The following GRIP1 variants were observed in gnomAD, a reference collection of about 807,000 sequenced individuals.
The protein encoded by GRIP1 is glutamate receptor-interacting protein 1.
GRIP1 carries 45 observed loss-of-function variants against 129.9 expected under a neutral mutation model. The observed-to-expected ratio is 0.35, with a 90% CI of 0.27 to 0.44. The LOEUF is 0.44. GRIP1 is among the 20% of genes least tolerant of loss of function. GRIP1 has a pLI of 1.00. For missense variants in GRIP1, 1,196 were observed against 1,396.8 expected (o/e 0.86, Z 2.29); for synonymous variants, 530 against 520.8 (o/e 1.02, Z -0.24).
Position 66,822,000 on chromosome 12 carries a change from T to TTGTGTGTGTG in GRIP1, c.59-225083_59-225074dup, listed in dbSNP as rs145504310. Among the ~76,000 whole-genome samples the TTGTGTGTGTG allele has an allele frequency of 1.4e-3, 207 of 150,532 alleles. 1 individual carries two copies. Among genetic ancestry groups the TTGTGTGTGTG allele is most frequent in the African/African-American group, 4.8e-3 (198 of 41,156 alleles). ...GCCAAGTGATGGAGCCACTTCCATC[T>TTGTGTGTGTG]TGTGTGTGTGTGTGTGTGTGTGTAT... is the stretch of plus-strand genomic sequence containing the variant. On this transcript the variant is annotated intron_variant, in intron 1 of 1. Coordinates refer to the GRIP1 transcript ENST00000643019.
chr12:66,435,078 C>A (rs760445548), intron 13 of GRIP1, among the ~76,000 whole-genome samples: 1 of 152,088 alleles, frequency 6.6e-6, no homozygotes, highest in African/African-American at 2.4e-5. Context: ...AGCCTCCACA[C>A]AAGTGTTTAC....
chr12:66,348,854 G>C lies in GRIP1; in HGVS notation c.*165C>G, dbSNP rs2054093792. The C allele has an allele frequency of 1.5e-6, 1 of 681,582 alleles. No homozygotes were observed. The highest frequency in any genetic ancestry group is 2.4e-5 in the Admixed American group (1 of 42,514). The allele number at this position is 681,582 out of a possible 1,614,324, so 42.2% of individuals were successfully genotyped here. A position where few individuals can be genotyped will look rare whatever the true frequency, so the allele number is the denominator to read the frequency against. On this transcript the variant is annotated 3_prime_UTR_variant, in exon 25 of 25. Transcript: ENST00000359742. ...ACCAAAAAAGAAACCTCTTCAACTTGAAAAGGGAAGTGAACATGAGCCATG... is the reference window on the plus strand; with the variant it reads ...ACCAAAAAAGAAACCTCTTCAACTTCAAAAGGGAAGTGAACATGAGCCATG...
intron 2 of GRIP1, among the ~76,000 whole-genome samples, chr12:66,580,784 C>T (rs61926081): frequency 3.3e-5 from 5 of 151,538 alleles, no homozygotes; most frequent in African/African-American, 1.2e-4. Flanking sequence ...TACAAAGAGA[C>T]TTAGACTCCC....
At chr12:66,699,569 C>T (rs1360134455) in intron 1 of GRIP1, among the ~76,000 whole-genome samples, 2 of 152,130 alleles carry the variant, frequency 1.3e-5, no homozygotes, top group Non-Finnish European at 2.9e-5. Context: ...ATTCGCCTTC[C>T]ACCATGATTG....
intron 14 of GRIP1, among the ~76,000 whole-genome samples, chr12:66,426,177 C>T (rs12829097): frequency 0.65 from 99,149 of 151,898 alleles, 33,782 homozygotes; most frequent in Non-Finnish European, 0.77. Context: ...TATGGACCCA[C>T]CATTTTGGAA....
At chr12:66,390,786 T>C (rs1460857829) in intron 19 of GRIP1, among the ~76,000 whole-genome samples, 1 of 152,238 alleles carries the variant, frequency 6.6e-6, no homozygotes, top group African/African-American at 2.4e-5. Flanking sequence ...AGAATGTGAC[T>C]TCTGTCCTTT....
chr12:66,379,998 C>A (rs902002958), intron 19 of GRIP1, among the ~76,000 whole-genome samples: 18 of 152,114 alleles, frequency 1.2e-4, no homozygotes, highest in Non-Finnish European at 2.2e-4. Context: ...CTCCTCCTCC[C>A]GGGTTCAAAC....
chr12:66,590,511 G>T (rs1392323777), intron 2 of GRIP1, among the ~76,000 whole-genome samples: 1 of 152,048 alleles, frequency 6.6e-6, no homozygotes, highest in Non-Finnish European at 1.5e-5. Context: ...TAATTAATGC[G>T]TACCTGCCAT....
At chr12:67,021,550 ATAG>A (rs1195548427) in intron 1 of GRIP1, among the ~76,000 whole-genome samples, 2 of 152,194 alleles carry the variant, frequency 1.3e-5, no homozygotes, top group African/African-American at 4.8e-5. Context: ...TATGGGGTAC[ATAG>A]TAATGTTTTG....
At chr12:66,677,510 T>A (rs543023136) in intron 1 of GRIP1, among the ~76,000 whole-genome samples, 2 of 152,182 alleles carry the variant, frequency 1.3e-5, no homozygotes, top group Non-Finnish European at 2.9e-5. Context: ...GATAGTCTCT[T>A]AGTCATGATT....
chr12:67,066,888 T>TATATATATATATA (rs2043635570), intron 1 of GRIP1, among the ~76,000 whole-genome samples: 44 of 125,640 alleles, frequency 3.5e-4, no homozygotes, highest in Non-Finnish European at 5.9e-4. Flanking sequence ...AAATATATAT[T>TATATATATATATA]TATATATATA....
chr12:66,965,265 A>G (rs1199623573), intron 1 of GRIP1, among the ~76,000 whole-genome samples: 1 of 152,140 alleles, frequency 6.6e-6, no homozygotes, highest in Non-Finnish European at 1.5e-5. Context: ...TCTTTAGATA[A>G]AGAAAATATA....
At chr12:66,677,920 C>G (rs1434103279) in intron 1 of GRIP1, among the ~76,000 whole-genome samples, 3 of 152,080 alleles carry the variant, frequency 2.0e-5, no homozygotes, top group Non-Finnish European at 4.4e-5. Flanking sequence ...ATTAATTACT[C>G]AACAGTACTC....
At chr12:66,873,591 A>T (rs1261340348) in intron 1 of GRIP1, among the ~76,000 whole-genome samples, 3 of 152,054 alleles carry the variant, frequency 2.0e-5, no homozygotes, top group Admixed American at 6.6e-5. Context: ...TGGAATACTC[A>T]TCTAGAAAAC....
chr12:66,876,484 C>T (rs1268731425), intron 1 of GRIP1, among the ~76,000 whole-genome samples: 2 of 152,050 alleles, frequency 1.3e-5, no homozygotes, highest in Non-Finnish European at 2.9e-5. Context: ...AAACCCCAGG[C>T]AGTCTTATTC....
At chr12:66,745,099 C>T (rs2036904364) in intron 1 of GRIP1, among the ~76,000 whole-genome samples, 1 of 131,716 alleles carries the variant, frequency 7.6e-6, no homozygotes, top group Admixed American at 8.0e-5. Context: ...TAACAAGCAA[C>T]ACGGAGATTT....
At chr12:66,878,336 C>T (rs571877376) in intron 1 of GRIP1, among the ~76,000 whole-genome samples, 7 of 151,956 alleles carry the variant, frequency 4.6e-5, no homozygotes, top group African/African-American at 1.2e-4. Flanking sequence ...CTAGGGGAAC[C>T]GAGAAGGCTT....
At chr12:66,399,303 G>A (rs1592766444) in intron 16 of GRIP1, among the ~76,000 whole-genome samples, 1 of 151,856 alleles carries the variant, frequency 6.6e-6, no homozygotes, top group African/African-American at 2.4e-5. Context: ...TGCAGCTTAG[G>A]AGGAGGGTAA....
intron 7 of GRIP1, among the ~76,000 whole-genome samples, chr12:66,475,035 A>C (rs1398126271): frequency 6.6e-6 from 1 of 152,214 alleles, no homozygotes; most frequent in Non-Finnish European, 1.5e-5. Context: ...CAGACTGGCA[A>C]ATTGGATAAA....
Sources: allele counts gnomAD v4.1 joint callset (sites outside exome capture counted in the v4.1 genomes callset), GRCh38; gene constraint gnomAD v4.1.1; transcripts MANE v1.5; gene names NCBI Gene and HGNC (gene_info 2026-07-23, HGNC 2026-07-21).